The following FAM222B variants were observed in gnomAD, a reference collection of about 807,000 sequenced individuals.
FAM222B encodes the protein family with sequence similarity 222 member B.
FAM222B carries 12 observed loss-of-function variants against 38.0 expected under a neutral mutation model. The observed-to-expected ratio is 0.32, with a 90% CI of 0.20 to 0.51. FAM222B has a LOEUF of 0.51. Ranked by LOEUF, FAM222B falls within the 20% of genes least tolerant of loss-of-function variation. The probability of loss-of-function intolerance (pLI) is 0.97; values close to 1 mark genes in which losing one functional copy is unlikely to be tolerated. For synonymous variants in FAM222B, 329 were observed against 317.2 expected (o/e 1.04, Z -0.40); for missense variants, 716 against 754.2 (o/e 0.95, Z 0.59).
chr17:28,849,472 T>G (rs2039167436), intron 1 of FAM222B: 1 of 152,466 alleles, frequency 6.6e-6, no homozygotes, highest in South Asian at 2.1e-4. Context: ...CGCAGCTAAT[T>G]TTGGTACCAC....
intron 1 of FAM222B, among the ~76,000 whole-genome samples, chr17:28,837,439 A>G (rs892356371): frequency 6.6e-6 from 1 of 151,636 alleles, no homozygotes; most frequent in Non-Finnish European, 1.5e-5. Flanking sequence ...CAAAAAAAAA[A>G]AAAATAAATA....
intron 1 of FAM222B, among the ~76,000 whole-genome samples, chr17:28,833,207 G>A (rs1158697041): frequency 1.4e-5 from 2 of 148,082 alleles, no homozygotes; most frequent in African/African-American, 2.5e-5. Context: ...TACTTGGGAG[G>A]CTGAGGCAGG....
intron 1 of FAM222B, among the ~76,000 whole-genome samples, chr17:28,837,475 A>G (rs1421778384): frequency 6.6e-6 from 1 of 151,916 alleles, no homozygotes. Flanking sequence ...AAATTGAGCC[A>G]GCAAATCTGA....
chr17:28,782,407 C>A (rs915557637), intron 1 of FAM222B, among the ~76,000 whole-genome samples: 1 of 152,070 alleles, frequency 6.6e-6, no homozygotes, highest in Non-Finnish European at 1.5e-5. Context: ...CTCTTCACTG[C>A]AGTGCTGTTC....
chr17:28,815,925 C>G (rs1238584419), intron 1 of FAM222B, among the ~76,000 whole-genome samples: 1 of 151,210 alleles, frequency 6.6e-6, no homozygotes, highest in Non-Finnish European at 1.5e-5. Flanking sequence ...TGAGATCGTG[C>G]CACTGCACTC....
intron 1 of FAM222B, among the ~76,000 whole-genome samples, chr17:28,809,696 G>C (rs1281297373): frequency 1.3e-5 from 2 of 152,180 alleles, no homozygotes; most frequent in South Asian, 4.1e-4. Flanking sequence ...ATCGGGCGTG[G>C]AGGGGTGCAG....
chr17:28,842,383 A>G (rs1004758738), intron 1 of FAM222B, among the ~76,000 whole-genome samples: 16 of 151,980 alleles, frequency 1.1e-4, no homozygotes, highest in African/African-American at 3.6e-4. Flanking sequence ...TCCCCCCGCA[A>G]TCATTCTCTG....
intron 1 of FAM222B, among the ~76,000 whole-genome samples, chr17:28,833,956 T>C (rs993789398): frequency 1.3e-5 from 2 of 152,214 alleles, no homozygotes; most frequent in Non-Finnish European, 2.9e-5. Flanking sequence ...TAATACCCTC[T>C]TTTACTCTTG....
At chr17:28,787,279 G>A (rs1330820555) in intron 1 of FAM222B, among the ~76,000 whole-genome samples, 2 of 152,054 alleles carry the variant, frequency 1.3e-5, no homozygotes, top group Non-Finnish European at 2.9e-5. Context: ...ATCTTGCCAA[G>A]GCAGATTATA....
chr17:28,758,545 C>A lies in FAM222B; in HGVS notation c.1414G>T (p.Ala472Ser). 3 of 1,610,432 alleles carry A rather than the reference C, an allele frequency of 1.9e-6. No homozygotes were observed. The highest frequency in any genetic ancestry group is 2.5e-6 in the Non-Finnish European group (3 of 1,179,832). Reference sequence around the variant, plus strand: ...GGCTGCCCACCGTGGAACGGCATGGCAAGGTCCTGAGACCCCGAGCTGTCG... The same window carrying A: ...GGCTGCCCACCGTGGAACGGCATGGAAAGGTCCTGAGACCCCGAGCTGTCG... ...NSDSSGSQDL[A>S]MPFHGGQPTG... The change falls in exon 3 of 3, where the codon GCC (alanine) becomes TCC (serine). Residue 472 changes from alanine to serine, a missense_variant. Physicochemically the swap from Ala to Ser is moderately conservative, Grantham distance 99. Transcript: ENST00000581407.
intron 1 of FAM222B, among the ~76,000 whole-genome samples, chr17:28,837,167 A>T (rs1478150468): frequency 6.6e-6 from 1 of 151,996 alleles, no homozygotes; most frequent in Non-Finnish European, 1.5e-5. Flanking sequence ...GCGGTGGCTC[A>T]CGCCTGTAAT....
At chr17:28,837,161 TGG>T (rs1382942890) in intron 1 of FAM222B, among the ~76,000 whole-genome samples, 1 of 151,474 alleles carries the variant, frequency 6.6e-6, no homozygotes, top group Non-Finnish European at 1.5e-5. Flanking sequence ...CCAGGTGCGG[TGG>T]CTCACGCCTG....
At chr17:28,820,312 G>A (rs2038165009) in intron 1 of FAM222B, among the ~76,000 whole-genome samples, 1 of 152,170 alleles carries the variant, frequency 6.6e-6, no homozygotes, top group African/African-American at 2.4e-5. Flanking sequence ...TACATTACAG[G>A]TAATGATGCC....
At chr17:28,828,347 G>A (rs2038518970) in intron 1 of FAM222B, among the ~76,000 whole-genome samples, 1 of 151,534 alleles carries the variant, frequency 6.6e-6, no homozygotes, top group Admixed American at 6.6e-5. Context: ...CAGATCACTT[G>A]ATCCCAGGAG....
intron 1 of FAM222B, chr17:28,812,350 G>C (rs1332066662): frequency 6.6e-6 from 1 of 152,322 alleles, no homozygotes; most frequent in South Asian, 2.1e-4. Flanking sequence ...GTCTAGGCAG[G>C]GGGAGGGGGA....
chr17:28,768,130 A>G (rs2035428607), intron 1 of FAM222B, among the ~76,000 whole-genome samples: 1 of 152,234 alleles, frequency 6.6e-6, no homozygotes, highest in Non-Finnish European at 1.5e-5. Flanking sequence ...TAACAGAAAT[A>G]CGATTTTCCT....
intron 1 of FAM222B, among the ~76,000 whole-genome samples, chr17:28,779,453 CA>C (rs541431559): frequency 6.6e-6 from 1 of 152,002 alleles, no homozygotes; most frequent in Non-Finnish European, 1.5e-5. Flanking sequence ...ACAACAGATG[CA>C]AAAAAGCATC....
intron 1 of FAM222B, among the ~76,000 whole-genome samples, chr17:28,819,174 T>C (rs1398949088): frequency 6.6e-6 from 1 of 152,122 alleles, no homozygotes; most frequent in Non-Finnish European, 1.5e-5. Flanking sequence ...AGGCAAACAA[T>C]AAAACAATTT....
chr17:28,785,557 CAG>C (rs1475451126), intron 1 of FAM222B, among the ~76,000 whole-genome samples: 1 of 152,150 alleles, frequency 6.6e-6, no homozygotes, highest in Non-Finnish European at 1.5e-5. Flanking sequence ...ATTTTTGAGA[CAG>C]AGTTTCGCTC....
Sources: allele counts gnomAD v4.1 joint callset (sites outside exome capture counted in the v4.1 genomes callset), GRCh38; gene constraint gnomAD v4.1.1; transcripts MANE v1.5; gene names NCBI Gene and HGNC (gene_info 2026-07-23, HGNC 2026-07-21).